UGT1A6: variants seen among roughly 807,000 people sequenced by gnomAD.
UGT1A6 encodes UDP glucuronosyltransferase family 1 member A6.
In UGT1A6, 32 loss-of-function variants were observed where a neutral mutation model predicts 44.4. The observed-to-expected ratio is 0.72, with a 90% CI of 0.54 to 0.97. The LOEUF (loss-of-function observed/expected upper bound fraction) is 0.97. Among genes scored for constraint, UGT1A6 ranks in the 50% least tolerant of loss-of-function variants. The pLI is 0.00. For missense variants in UGT1A6, 685 were observed against 661.9 expected, an observed-to-expected ratio of 1.03 and a Z score of -0.38; for synonymous variants, 238 against 248.5, an observed-to-expected ratio of 0.96 and a Z score of 0.40.
chr2:233,708,719 T>C (rs62191898), intron 1 of UGT1A6: 22,793 of 151,908 alleles, frequency 0.15, 2,024 homozygotes, highest in South Asian at 0.24. Flanking sequence ...TCATTGCACC[T>C]CAGCCTGGGC....
At chr2:233,729,636 G>T (rs755096883) in intron 1 of UGT1A6, 3 of 1,613,468 alleles carry the variant, frequency 1.9e-6, no homozygotes, top group East Asian at 4.5e-5. Flanking sequence ...TTCCTACTGT[G>T]TTTTTTTTGA....
At position 233,729,883 on chromosome 2, in the gene UGT1A6, TC is replaced by T. The variant is rs771925903; in HGVS notation, c.861+36019del. ...AGTGGTGGATATTCTCAGTCATGCA[TC>T]TGTGTGGCTGTTCCGAGGGGACTTT... On this transcript the variant is annotated intron_variant, in intron 1 of 4. Transcript: ENST00000305139. The T allele has an allele frequency of 6.2e-6, 10 of 1,613,824 alleles. No individual in the cohort carries two copies. In the African/African-American group the frequency reaches 1.3e-4, roughly 22 times the overall value.
intron 1 of UGT1A6, among the ~76,000 whole-genome samples, chr2:233,700,694 C>T (rs1168868240): frequency 6.6e-6 from 1 of 151,780 alleles, no homozygotes; most frequent in African/African-American, 2.4e-5. Context: ...ATATAAACTA[C>T]ACTTTGAATG....
chr2:233,747,456 A>G (rs1299694493), intron 1 of UGT1A6: 47 of 1,608,814 alleles, frequency 2.9e-5, no homozygotes, highest in Non-Finnish European at 3.7e-5. Context: ...AACCTATGCC[A>G]TTTCATGGAC....
rs984490888 is a variant in UGT1A6 at position 233,712,882 on chromosome 2, T to C, written c.861+19017T>C. On this transcript the variant is annotated intron_variant, in intron 1 of 4. Coordinates refer to ENST00000305139, the MANE Select transcript of UGT1A6 (RefSeq NM_001072.4). The stretch of plus-strand genomic sequence containing the variant: ...TGGAGGAGGGCACTCTGTCTTCAAT[T>C]ACATGTTGATTTGCTAGGTGTCTCA... 8.8e-6 allele frequency: 14 copies of C among 1,599,650 alleles called. No individual in the cohort carries two copies. In the African/African-American group the frequency reaches 1.9e-4, roughly 21 times the overall value.
Position 233,772,354 on chromosome 2 carries a change from T to C in UGT1A6, c.1394T>C (p.Met465Thr). 1 of 1,614,252 alleles carries C rather than the reference T, an allele frequency of 6.2e-7. No individual in the cohort carries two copies. The highest frequency in any genetic ancestry group is 8.5e-7 in the Non-Finnish European group (1 of 1,180,050). ...GCCGTGTTCTGGGTGGAGTTTGTGATGAGGCACAAGGGCGCGCCACACCTG... is the reference window on the plus strand; with the variant it reads ...GCCGTGTTCTGGGTGGAGTTTGTGACGAGGCACAAGGGCGCGCCACACCTG... ...DLAVFWVEFV[M>T]RHKGAPHLRP... Residue 465 changes from methionine to threonine, a missense_variant, in exon 5 of 5, where the codon ATG becomes ACG. Transcript: ENST00000305139.
intron 1 of UGT1A6, among the ~76,000 whole-genome samples, chr2:233,752,940 A>T (rs1005921462): frequency 6.6e-6 from 1 of 152,226 alleles, no homozygotes; most frequent in African/African-American, 2.4e-5. Flanking sequence ...CTCTTTGCTG[A>T]CCACTGAACA....
At chr2:233,756,672 A>T (rs1246322346) in intron 1 of UGT1A6, among the ~76,000 whole-genome samples, 1 of 152,212 alleles carries the variant, frequency 6.6e-6, no homozygotes, top group Non-Finnish European at 1.5e-5. Context: ...TATTTCCGCT[A>T]GAACTGCTAT....
At chr2:233,753,977 T>C (rs138478111) in intron 1 of UGT1A6, among the ~76,000 whole-genome samples, 15 of 152,322 alleles carry the variant, frequency 9.8e-5, no homozygotes, top group African/African-American at 3.4e-4. Context: ...ACGTGTGTTG[T>C]TTTAAGCCAC....
In UGT1A6 at chr2:233,769,594, G is replaced by A; in HGVS notation, c.1301+1155G>A. 2 of 1,612,864 alleles carry A rather than the reference G, an allele frequency of 1.2e-6. No homozygotes were observed. The highest frequency in any genetic ancestry group is 1.7e-6 in the Non-Finnish European group (2 of 1,179,872). On this transcript the variant is annotated intron_variant, in intron 4 of 4. Coordinates refer to ENST00000305139, the MANE Select transcript of UGT1A6 (RefSeq NM_001072.4). This position sits in a 1 kb window ranked among gnomAD's most constrained non-coding sequence, Gnocchi z 4.4. ...GAGCATGTTCAGATGAGAGGAGACG[G>A]AACACGGGGACACACCAGCTTGAGC... is the stretch of plus-strand genomic sequence containing the variant.
chr2:233,745,345 T>C (rs1184068068), intron 1 of UGT1A6, among the ~76,000 whole-genome samples: 1 of 151,834 alleles, frequency 6.6e-6, no homozygotes, highest in Non-Finnish European at 1.5e-5. Flanking sequence ...ACCATGAATT[T>C]TGGGGGAATT....
intron 1 of UGT1A6, among the ~76,000 whole-genome samples, chr2:233,714,790 A>G (rs2076412745): frequency 6.6e-6 from 1 of 152,236 alleles, no homozygotes; most frequent in Non-Finnish European, 1.5e-5. Flanking sequence ...GCCACATTTC[A>G]AGTGCTCAAT....
chr2:233,709,579 A>C (rs936977036), intron 1 of UGT1A6, among the ~76,000 whole-genome samples: 1 of 152,242 alleles, frequency 6.6e-6, no homozygotes, highest in African/African-American at 2.4e-5. Flanking sequence ...AATTCAAAAA[A>C]TATACCAGGA....
At chr2:233,741,895 C>T (rs1371352009) in intron 1 of UGT1A6, 1 of 151,808 alleles carries the variant, frequency 6.6e-6, no homozygotes, top group African/African-American at 2.4e-5. Flanking sequence ...GAAGAAGGGA[C>T]CCTTTGTGAT....
intron 1 of UGT1A6, among the ~76,000 whole-genome samples, chr2:233,708,270 A>G (rs2076010926): frequency 6.6e-6 from 1 of 152,224 alleles, no homozygotes; most frequent in African/African-American, 2.4e-5. Flanking sequence ...TCCTTGCCAC[A>G]TGTATTATCA....
At chr2:233,743,354 T>C in intron 1 of UGT1A6, 1 of 972,108 alleles carries the variant, frequency 1.0e-6, no homozygotes, top group Non-Finnish European at 1.5e-6. Context: ...GACATGGACT[T>C]GAAGCTGCCT....
chr2:233,713,984 G>A, intron 1 of UGT1A6: 1 of 1,586,010 alleles, frequency 6.3e-7, no homozygotes. Context: ...TCTCATTGTT[G>A]TAATAGTCTT....
At chr2:233,691,734 G>A, upstream of UGT1A6, 2 of 735,248 alleles carry the variant, frequency 2.7e-6, no homozygotes, top group Non-Finnish European at 3.3e-6. Flanking sequence ...TGGGCCAGAA[G>A]CAGATACCAG....
At chr2:233,767,478 T>C (rs1699401505) in intron 2 of UGT1A6, among the ~76,000 whole-genome samples, 1 of 152,246 alleles carries the variant, frequency 6.6e-6, no homozygotes, top group Admixed American at 6.5e-5. Flanking sequence ...TCATATTAAA[T>C]AGAAGTATTT....
Sources: gnomAD v4.1 joint callset for allele counts (sites outside exome capture counted in the v4.1 genomes callset) on GRCh38, gnomAD v4.1.1 for gene constraint, Gnocchi (gnomAD v3.1) non-coding constraint, MANE v1.5 for transcripts, NCBI Gene and HGNC (gene_info 2026-07-23, HGNC 2026-07-21) for gene names.